Variants in SYNPR observed in about 807,000 individuals in gnomAD.
SYNPR encodes synaptoporin.
SYNPR carries 23 observed loss-of-function variants against 32.9 expected under a neutral mutation model. The observed-to-expected ratio is 0.70, with a 90% CI of 0.50 to 0.99. SYNPR has a LOEUF of 0.99. Among genes scored for constraint, SYNPR ranks in the 50% least tolerant of loss-of-function variants. The pLI is 0.00. For missense variants in SYNPR, 318 were observed against 349.3 expected, an observed-to-expected ratio of 0.91 and a Z score of 0.71; for synonymous variants, 146 against 135.9, an observed-to-expected ratio of 1.07 and a Z score of -0.52.
At chr3:63,286,909 G>A (rs759677634) in intron 2 of SYNPR, among the ~76,000 whole-genome samples, 1 of 152,152 alleles carries the variant, frequency 6.6e-6, no homozygotes. Flanking sequence ...TGATGGTGAT[G>A]ATAAAGAAAT....
chr3:63,491,949 T>G (rs572074904), intron 3 of SYNPR, among the ~76,000 whole-genome samples: 79 of 152,208 alleles, frequency 5.2e-4, no homozygotes, highest in African/African-American at 1.8e-3. Context: ...ATGTATTGAC[T>G]CCTAGGCAAG....
chr3:63,335,908 C>T (rs1442008279), intron 2 of SYNPR, among the ~76,000 whole-genome samples: 1 of 151,556 alleles, frequency 6.6e-6, no homozygotes, highest in Non-Finnish European at 1.5e-5. Flanking sequence ...TCCCCAGTAG[C>T]TGGGGTTACA....
chr3:63,355,753 A>T (rs1337855665), intron 2 of SYNPR, among the ~76,000 whole-genome samples: 1 of 149,614 alleles, frequency 6.7e-6, no homozygotes, highest in Non-Finnish European at 1.5e-5. Flanking sequence ...AGCCTTTGCC[A>T]GTGCCTGGGC....
intron 2 of SYNPR, among the ~76,000 whole-genome samples, chr3:63,309,344 A>C (rs2086939096): frequency 1.3e-5 from 2 of 151,646 alleles, no homozygotes; most frequent in Non-Finnish European, 2.9e-5. Context: ...TCTTCTCCTC[A>C]TTGTGGGTTG....
At position 63,472,586 on chromosome 3, in the gene SYNPR, A is replaced by C. The variant is rs536278666; in HGVS notation, c.85-8246A>C. On this transcript the variant is annotated intron_variant, in intron 2 of 5. Coordinates refer to ENST00000478300, the MANE Select transcript of SYNPR (RefSeq NM_001130003.2). ...TGCCCATTCCTTCATATATTTGCTT[A>C]CTCAATAAAATTTGTGAGCCACCGA... Among the ~76,000 whole-genome samples the C allele has an allele frequency of 4.6e-3, 704 of 152,210 alleles. 8 individuals carry two copies. The highest frequency in any genetic ancestry group is 0.016 in the African/African-American group (673 of 41,542).
intron 2 of SYNPR, among the ~76,000 whole-genome samples, chr3:63,393,278 G>A (rs2088164028): frequency 6.6e-6 from 1 of 152,006 alleles, no homozygotes; most frequent in Admixed American, 6.6e-5. Flanking sequence ...TCTCATACAT[G>A]TCTCATTGTG....
intron 2 of SYNPR, among the ~76,000 whole-genome samples, chr3:63,469,844 A>AATATAATAAAT (rs1273590450): frequency 6.6e-6 from 1 of 152,196 alleles, no homozygotes; most frequent in Admixed American, 6.5e-5. Flanking sequence ...AGTCTCTGTA[A>AATATAATAAAT]ATATAATAAA....
At position 63,559,796 on chromosome 3, in the gene SYNPR, C is replaced by T. The variant is rs1017011190; in HGVS notation, c.408+3055C>T. 3.3e-5 allele frequency among the ~76,000 whole-genome samples: 5 copies of T among 151,804 alleles called. No homozygotes were observed. In the East Asian group the frequency reaches 7.7e-4, roughly 23 times the overall value. On this transcript the variant is annotated intron_variant, in intron 4 of 5. Coordinates refer to ENST00000478300, the MANE Select transcript of SYNPR (RefSeq NM_001130003.2). The stretch of plus-strand genomic sequence containing the variant: ...TCACCAAACTTGGGCTTATCCCCAC[C>T]ATGATGTACAGATGGACATACCTAA...
chr3:63,555,188 G>A (rs1305718558), intron 3 of SYNPR, among the ~76,000 whole-genome samples: 2 of 151,538 alleles, frequency 1.3e-5, no homozygotes, highest in African/African-American at 4.8e-5. Context: ...TTCCTATTTG[G>A]ATGCCTTTTA....
chr3:63,400,201 T>C (rs751384992), intron 2 of SYNPR, among the ~76,000 whole-genome samples: 1 of 152,238 alleles, frequency 6.6e-6, no homozygotes, highest in Non-Finnish European at 1.5e-5. Context: ...CTTATCTTCT[T>C]AGTGAGGTAC....
chr3:63,373,357 A>G (rs1257961782), intron 2 of SYNPR, among the ~76,000 whole-genome samples: 1 of 152,212 alleles, frequency 6.6e-6, no homozygotes, highest in Non-Finnish European at 1.5e-5. Context: ...AAGCTGATAG[A>G]CAAAACAGCC....
At chr3:63,434,152 G>A (rs967426439) in intron 2 of SYNPR, among the ~76,000 whole-genome samples, 4 of 152,232 alleles carry the variant, frequency 2.6e-5, no homozygotes, top group South Asian at 2.1e-4. Context: ...TCCTACCCAC[G>A]CCTTATTTTA....
At chr3:63,480,349 A>T (rs1701021592) in intron 2 of SYNPR, among the ~76,000 whole-genome samples, 1 of 152,254 alleles carries the variant, frequency 6.6e-6, no homozygotes, top group South Asian at 2.1e-4. Context: ...ACTCAGCTCT[A>T]GAATTCTCCG....
intron 2 of SYNPR, among the ~76,000 whole-genome samples, chr3:63,332,276 C>G (rs2106985194): frequency 6.6e-6 from 1 of 152,306 alleles, no homozygotes; most frequent in African/African-American, 2.4e-5. Flanking sequence ...TCCAACCTCC[C>G]TTGCACAGGA....
intron 1 of SYNPR, among the ~76,000 whole-genome samples, chr3:63,229,621 C>T (rs1310362876): frequency 6.6e-6 from 1 of 152,076 alleles, no homozygotes; most frequent in East Asian, 1.9e-4. Context: ...ATGTCTTATG[C>T]CTTTATCATT....
At chr3:63,509,424 T>C (rs1264142289) in intron 3 of SYNPR, among the ~76,000 whole-genome samples, 1 of 152,018 alleles carries the variant, frequency 6.6e-6, no homozygotes, top group African/African-American at 2.4e-5. Context: ...AATAAATCTT[T>C]TCTAAGGAAG....
At chr3:63,232,449 T>C (rs1474247293) in intron 1 of SYNPR, among the ~76,000 whole-genome samples, 1 of 152,118 alleles carries the variant, frequency 6.6e-6, no homozygotes, top group Non-Finnish European at 1.5e-5. Flanking sequence ...GTGATCCGCC[T>C]TCCTTGGCCT....
chr3:63,513,582 T>C (rs553560162), intron 3 of SYNPR, among the ~76,000 whole-genome samples: 1 of 152,254 alleles, frequency 6.6e-6, no homozygotes, highest in South Asian at 2.1e-4. Flanking sequence ...TGTCCTTCAA[T>C]ATATCACTTC....
intron 2 of SYNPR, among the ~76,000 whole-genome samples, chr3:63,374,629 T>C (rs1359639782): frequency 6.6e-6 from 1 of 152,230 alleles, no homozygotes; most frequent in Admixed American, 6.5e-5. Flanking sequence ...TTCTATTGTA[T>C]GATCAATCAC....
Sources: allele counts gnomAD v4.1 joint callset (sites outside exome capture counted in the v4.1 genomes callset), GRCh38; gene constraint gnomAD v4.1.1; transcripts MANE v1.5; gene names NCBI Gene and HGNC (gene_info 2026-07-23, HGNC 2026-07-21).